Variants in SLC36A1 observed in about 807,000 individuals in gnomAD.
SLC36A1 encodes the protein solute carrier family 36 member 1, also known as proton-coupled amino acid transporter 1.
Under a neutral mutation model 47.5 loss-of-function variants are expected in SLC36A1, and 30 were observed. The ratio of observed to expected loss-of-function variants is 0.63; its 90% CI spans 0.47 to 0.86. The LOEUF (loss-of-function observed/expected upper bound fraction) is 0.86. Among genes scored for constraint, SLC36A1 ranks in the 40% least tolerant of loss-of-function variants. The pLI, the probability that SLC36A1 is intolerant of heterozygous loss-of-function variation, is 0.00. For synonymous variants in SLC36A1, 255 were observed against 249.7 expected (o/e 1.02, Z -0.20); for missense variants, 517 against 606.0 (o/e 0.85, Z 1.54).
chr5:151,527,186 GA>G, the SLC36A1 span: 1 of 1,547,482 alleles, frequency 6.5e-7, no homozygotes, highest in Non-Finnish European at 8.8e-7. Context: ...TGCTAGAAGG[GA>G]AATGAAGGGA....
the SLC36A1 span, among the ~76,000 whole-genome samples, chr5:151,527,583 A>G: frequency 6.0e-4 from 91 of 152,312 alleles, no homozygotes; most frequent in African/African-American, 2.1e-3. Context: ...TTTGCTGGCA[A>G]TGAGACCTTG....
chr5:151,463,531 C>T (rs1755883083), intron 2 of SLC36A1, 22 bp from the exon 3 acceptor site: 3 of 1,569,840 alleles, frequency 1.9e-6, no homozygotes, highest in African/African-American at 1.4e-5. Context: ...GTTATCATTT[C>T]CTTGGCTGTC....
chr5:151,488,367 G>A lies in SLC36A1; in HGVS notation c.*113G>A, dbSNP rs1333691491. 2 of 1,368,902 alleles carry A rather than the reference G, an allele frequency of 1.5e-6. No individual in the cohort carries two copies. The highest frequency in any genetic ancestry group is 2.0e-6 in the Non-Finnish European group (2 of 1,011,518). The allele number at this position is 1,368,902 out of a possible 1,614,324, so 84.8% of individuals were successfully genotyped here. A position where few individuals can be genotyped will look rare whatever the true frequency, so the allele number is the denominator to read the frequency against. ...CTGAGGAAAGTCAGGGTTGCTGTGT[G>A]GGAACCCCTCTGCCTGGCACCTGGA... On this transcript the variant is annotated 3_prime_UTR_variant, in exon 11 of 11. Coordinates refer to ENST00000243389, the MANE Select transcript of SLC36A1 (RefSeq NM_078483.4).
chr5:151,467,247 T>C lies in SLC36A1; in HGVS notation c.468T>C (p.Cys156=). 6.2e-7 allele frequency: 1 copy of C among 1,612,514 alleles called. No homozygotes were observed. The highest frequency in any genetic ancestry group is 8.5e-7 in the Non-Finnish European group (1 of 1,179,602). ...TTGTCACCCAGCTGGGATTCTGCTGTGTCTATTTTGTGTTTCTGGCTGACA... is the reference window on the plus strand; with the variant it reads ...TTGTCACCCAGCTGGGATTCTGCTGCGTCTATTTTGTGTTTCTGGCTGACA... ...FLIVTQLGFC[C]VYFVFLADNF... Residue 156 remains cysteine (C), a synonymous_variant, in exon 6 of 11, where the codon TGT becomes TGC. Transcript: ENST00000243389.
intron 10 of SLC36A1, among the ~76,000 whole-genome samples, chr5:151,482,101 C>T (rs1481306862): frequency 6.6e-6 from 1 of 152,204 alleles, no homozygotes; most frequent in African/African-American, 2.4e-5. Context: ...GAAGCCTGTT[C>T]AGACTGGAAT....
At chr5:151,531,261 G>A in the SLC36A1 span, among the ~76,000 whole-genome samples, 21 of 152,320 alleles carry the variant, frequency 1.4e-4, no homozygotes, top group Admixed American at 1.4e-3. The surrounding 1 kb of genome is among the most constrained non-coding windows in gnomAD (Gnocchi z 5.7). Flanking sequence ...CAGCCAAGCC[G>A]TTTCTGCCTC....
chr5:151,404,687 A>G, the SLC36A1 span, among the ~76,000 whole-genome samples: 14 of 152,342 alleles, frequency 9.2e-5, no homozygotes, highest in Admixed American at 4.6e-4. Flanking sequence ...TTGGTGGAAT[A>G]TGAAATTCTT....
chr5:151,486,367 G>GACAAAT (rs11281205), intron 10 of SLC36A1, among the ~76,000 whole-genome samples: 51,506 of 151,812 alleles, frequency 0.34, 10,344 homozygotes, highest in African/African-American at 0.57. Context: ...ATTTGGAGGG[G>GACAAAT]ATCCAAACCA....
the SLC36A1 span, among the ~76,000 whole-genome samples, chr5:151,385,913 C>T: frequency 6.7e-6 from 1 of 149,202 alleles, no homozygotes; most frequent in Non-Finnish European, 1.5e-5. Flanking sequence ...GCACTGTCTC[C>T]CGGGCTGGAG....
chr5:151,402,097 C>T, the SLC36A1 span, among the ~76,000 whole-genome samples: 2 of 152,074 alleles, frequency 1.3e-5, no homozygotes, highest in Admixed American at 1.3e-4. Context: ...CGGCTTTTGC[C>T]CATTCAGGAT....
At chr5:151,458,754 G>T in intron 1 of SLC36A1, 34 bp from the exon 2 acceptor site, 2 of 1,601,892 alleles carry the variant, frequency 1.2e-6, no homozygotes, top group Non-Finnish European at 1.7e-6. Context: ...GGCTCCAGCT[G>T]CAGGAGGTCT....
At chr5:151,517,937 T>G in the SLC36A1 span, among the ~76,000 whole-genome samples, 5 of 152,134 alleles carry the variant, frequency 3.3e-5, no homozygotes, top group African/African-American at 1.2e-4. Context: ...GCCTCACACG[T>G]AGAGCCAGAC....
chr5:151,372,527 T>C, the SLC36A1 span, among the ~76,000 whole-genome samples: 2 of 152,166 alleles, frequency 1.3e-5, no homozygotes, highest in African/African-American at 2.4e-5. Context: ...CACTGCGTCC[T>C]GGAACTCCTG....
the SLC36A1 span, among the ~76,000 whole-genome samples, chr5:151,541,178 C>A: frequency 2.4e-4 from 37 of 152,178 alleles, no homozygotes; most frequent in African/African-American, 8.0e-4. Flanking sequence ...TAACTAAGGA[C>A]CCACCCTAAG....
the SLC36A1 span, chr5:151,540,692 G>A: frequency 6.2e-7 from 1 of 1,614,218 alleles, no homozygotes; most frequent in East Asian, 2.2e-5. Flanking sequence ...TCGCGGTCCA[G>A]GGTCTTCCTT....
At chr5:151,453,428 A>T (rs1459417299) in intron 1 of SLC36A1, among the ~76,000 whole-genome samples, 1 of 151,930 alleles carries the variant, frequency 6.6e-6, no homozygotes, top group Non-Finnish European at 1.5e-5. Context: ...TAGTGTGCAC[A>T]TTTCAATTTT....
the SLC36A1 span, chr5:151,382,113 C>G: frequency 1.2e-6 from 1 of 832,850 alleles, no homozygotes; most frequent in South Asian, 1.5e-5. Flanking sequence ...CCACATGGTG[C>G]TGACAGAGCA....
At chr5:151,483,520 G>GAGA (rs745868506) in intron 10 of SLC36A1, among the ~76,000 whole-genome samples, 6 of 144,750 alleles carry the variant, frequency 4.1e-5, no homozygotes, top group African/African-American at 1.6e-4. Flanking sequence ...GTGTGTGTGG[G>GAGA]GGGGGTGATT....
intron 10 of SLC36A1, among the ~76,000 whole-genome samples, chr5:151,484,873 C>T (rs994820401): frequency 2.0e-5 from 3 of 152,104 alleles, no homozygotes; most frequent in Non-Finnish European, 4.4e-5. Context: ...CCTATACCAC[C>T]CTCTCCCTGG....
Sources: allele counts gnomAD v4.1 joint callset (sites outside exome capture counted in the v4.1 genomes callset), GRCh38; gene constraint gnomAD v4.1.1; non-coding constraint Gnocchi (gnomAD v3.1); transcripts MANE v1.5; gene names NCBI Gene and HGNC (gene_info 2026-07-23, HGNC 2026-07-21).